The following PGM1 variants were observed in gnomAD, a reference collection of about 807,000 sequenced individuals.
PGM1 encodes phosphoglucomutase-1.
Under a neutral mutation model 55.6 loss-of-function variants are expected in PGM1, and 52 were observed. The ratio of observed to expected loss-of-function variants is 0.94; its 90% CI spans 0.75 to 1.18. The LOEUF is 1.18. Ranked by LOEUF, PGM1 falls within the 50% of genes most tolerant of loss-of-function variation. The pLI, the probability that PGM1 is intolerant of heterozygous loss-of-function variation, is 0.00. For missense variants in PGM1, 724 were observed against 729.3 expected, an observed-to-expected ratio of 0.99 and a Z score of 0.08; for synonymous variants, 287 against 271.7, an observed-to-expected ratio of 1.06 and a Z score of -0.55.
In PGM1 at chr1:63,633,933, T is replaced by TATA. The variant is rs1491392697; in HGVS notation, c.683-896_683-895insATA. 2.4e-3 allele frequency among the ~76,000 whole-genome samples: 106 copies of TATA among 43,624 alleles called. 2 individuals carry two copies. Among genetic ancestry groups the TATA allele is most frequent in the African/African-American group, 3.8e-3 (27 of 7,106 alleles). 28.6% of individuals were successfully genotyped at this position (43,624 alleles called of 152,430 possible). Reference sequence around the variant, plus strand: ...GTGTGTGTGTGTATATATATATATATTTTTTTTTTTTTTTTTTTTTTTTTT... The same window carrying TATA: ...GTGTGTGTGTGTATATATATATATATATATTTTTTTTTTTTTTTTTTTTTTTTT... On this transcript the variant is annotated intron_variant, in intron 4 of 10. Transcript: ENST00000371084.
intron 10 of PGM1, among the ~76,000 whole-genome samples, chr1:63,654,681 A>C (rs1311346729): frequency 6.6e-6 from 1 of 152,100 alleles, no homozygotes; most frequent in Admixed American, 6.6e-5. Context: ...ACCTGAGCCC[A>C]GGAGGTCAAG....
rs150286818 is a variant in PGM1 at position 63,629,431 on chromosome 1, C to T, written c.253C>T (p.Arg85Cys). 143 of 1,612,996 alleles carry T rather than the reference C, an allele frequency of 8.9e-5. 1 individual carries two copies. Among genetic ancestry groups the T allele is most frequent in the Middle Eastern group, 1.6e-4 (1 of 6,072 alleles). The change falls in exon 2 of 11, where the codon CGC becomes TGC. Residue 85 changes from arginine to cysteine, a missense_variant. Physicochemically the swap from Arg to Cys is radical, Grantham distance 180 (BLOSUM62 -3). Around this residue, in one of 3 missense-constraint regions of PGM1, gnomAD observed 379 missense variants for 357.5 expected, o/e 1.06. Coordinates refer to ENST00000371084, the MANE Select transcript of PGM1 (RefSeq NM_002633.3). ...TCTGGATTTCTTCTCCTAGATCGGTCGCTTGGTTATCGGACAGAATGGAAT... is the reference window on the plus strand; with the variant it reads ...TCTGGATTTCTTCTCCTAGATCGGTTGCTTGGTTATCGGACAGAATGGAAT... ...ARIAAANGIG[R>C]LVIGQNGILS... is the part of the protein sequence containing the mutation.
At position 63,640,705 on chromosome 1, in the gene PGM1, C is replaced by T. The variant is rs1011632219; in HGVS notation, c.1144+1905C>T. Among the ~76,000 whole-genome samples the T allele has an allele frequency of 6.6e-5, 10 of 152,342 alleles. No individual in the cohort carries two copies. The East Asian group carries it at 1.9e-3, about 29-fold the overall frequency. On this transcript the variant is annotated intron_variant, in intron 7 of 10. Coordinates refer to ENST00000371084, the MANE Select transcript of PGM1 (RefSeq NM_002633.3). ...TGAAGACAGGATAGCACAAGCTGCT[C>T]CTCTTACACAACAGGCCTTCAAATA...
intron 2 of PGM1, 66 bp downstream of exon 2, chr1:63,629,653 C>G: frequency 6.8e-7 from 1 of 1,480,630 alleles, no homozygotes; most frequent in Non-Finnish European, 9.4e-7. Context: ...ATACCTGGAG[C>G]CTTGGGAGAC....
chr1:63,660,005 GCCATTCTTCAT>G lies in PGM1; in HGVS notation c.*333_*343del, dbSNP rs1650076287. 1 of 422,280 alleles carries G rather than the reference GCCATTCTTCAT, an allele frequency of 2.4e-6. No homozygotes were observed. Among genetic ancestry groups the G allele is most frequent in the Non-Finnish European group, 4.4e-6 (1 of 225,618 alleles). The allele number at this position is 422,280 out of a possible 1,614,324, so 26.2% of individuals were successfully genotyped here. On this transcript the variant is annotated 3_prime_UTR_variant, in exon 11 of 11. Coordinates refer to ENST00000371084, the MANE Select transcript of PGM1 (RefSeq NM_002633.3). ...AGGTGGAGCATCAGCAGTGAGTGAG[GCCATTCTTCAT>G]CCTTAGGATGTGGCAATGAAATGAT... is the stretch of plus-strand genomic sequence containing the variant.
intron 1 of PGM1, among the ~76,000 whole-genome samples, chr1:63,613,030 T>C (rs896041764): frequency 6.6e-6 from 1 of 152,106 alleles, no homozygotes; most frequent in Non-Finnish European, 1.5e-5. Flanking sequence ...CCATTCCAGG[T>C]ACTGAGGTTA....
At chr1:63,603,669 G>A (rs1433793651) in intron 1 of PGM1, among the ~76,000 whole-genome samples, 1 of 152,164 alleles carries the variant, frequency 6.6e-6, no homozygotes, top group Non-Finnish European at 1.5e-5. Flanking sequence ...GAGTTCGAGT[G>A]GAAGATGAAA....
chr1:63,621,675 A>G (rs772072951), intron 1 of PGM1, among the ~76,000 whole-genome samples: 5 of 152,220 alleles, frequency 3.3e-5, no homozygotes, highest in Non-Finnish European at 7.3e-5. Flanking sequence ...GACTTTTAAA[A>G]ACAAATTAAG....
At chr1:63,620,573 A>G (rs1648854333) in intron 1 of PGM1, among the ~76,000 whole-genome samples, 1 of 152,202 alleles carries the variant, frequency 6.6e-6, no homozygotes, top group South Asian at 2.1e-4. Flanking sequence ...ACCATTATTA[A>G]CTGTCCATTA....
rs763399590 is a variant in PGM1 at position 63,593,444 on chromosome 1, G to A, written c.-45G>A. On this transcript the variant is annotated 5_prime_UTR_variant, in exon 1 of 11. Transcript: ENST00000371084. ...TGCAGCCTCAGCCGGCCGCCCCTCC[G>A]CCAGCCAAGTCCGCCGCTCTGACCC... 18 of 1,610,688 alleles carry A rather than the reference G, an allele frequency of 1.1e-5. No individual in the cohort carries two copies. Among genetic ancestry groups the A allele is most frequent in the Middle Eastern group, 1.7e-4 (1 of 6,024 alleles).
At chr1:63,602,170 T>C (rs900626554) in intron 1 of PGM1, among the ~76,000 whole-genome samples, 7 of 152,228 alleles carry the variant, frequency 4.6e-5, no homozygotes, top group Non-Finnish European at 7.3e-5. Flanking sequence ...GGGATTGTTA[T>C]AATATGCTGG....
In PGM1 at chr1:63,642,960, A is replaced by G. The variant is rs564261271; in HGVS notation, c.1144+4160A>G. ...CATGGTGAACAAGGCCTTCTCATAG[A>G]GGGCTCCATGAATTACAGGTGTGCA... On this transcript the variant is annotated intron_variant, in intron 7 of 10. Coordinates refer to ENST00000371084, the MANE Select transcript of PGM1 (RefSeq NM_002633.3). 2.6e-5 allele frequency among the ~76,000 whole-genome samples: 4 copies of G among 152,338 alleles called. No individual in the cohort carries two copies. The South Asian group carries it at 8.3e-4, about 32-fold the overall frequency.
At chr1:63,630,892 T>C (rs1171755727) in intron 3 of PGM1, among the ~76,000 whole-genome samples, 1 of 152,222 alleles carries the variant, frequency 6.6e-6, no homozygotes, top group African/African-American at 2.4e-5. Flanking sequence ...TGCATTTTTT[T>C]GTTTGAACCT....
intron 7 of PGM1, among the ~76,000 whole-genome samples, chr1:63,640,401 G>A (rs1312551933): frequency 1.3e-5 from 2 of 152,100 alleles, no homozygotes; most frequent in Admixed American, 6.6e-5. Flanking sequence ...CTCTGTTTTG[G>A]ATATTCACAA....
chr1:63,626,713 G>C (rs1387238473), intron 1 of PGM1, among the ~76,000 whole-genome samples: 2 of 151,952 alleles, frequency 1.3e-5, no homozygotes, highest in African/African-American at 4.8e-5. Flanking sequence ...TCTTTAAAAA[G>C]TTTTAGTTGT....
Position 63,631,663 on chromosome 1 carries a change from T to C in PGM1, c.563T>C (p.Ile188Thr), listed in dbSNP as rs377648719. 1.2e-6 allele frequency: 2 copies of C among 1,613,248 alleles called. No individual in the cohort carries two copies. Among genetic ancestry groups the C allele is most frequent in the African/African-American group, 2.7e-5 (2 of 74,912 alleles). Residue 188 changes from isoleucine to threonine, a missense_variant, in exon 4 of 11, where the codon ATT (isoleucine) becomes ACT (threonine). Transcript: ENST00000371084. ...ENKFKPFTVE[I>T]VDSVEAYATM... is the part of the protein sequence containing the mutation. ...ATGTTGCTTGTTCTCACAGTGGAAA[T>C]TGTGGATTCGGTAGAAGCTTATGCT...
At chr1:63,616,878 T>C (rs1035188042) in intron 1 of PGM1, among the ~76,000 whole-genome samples, 15 of 152,226 alleles carry the variant, frequency 9.9e-5, no homozygotes, top group African/African-American at 3.6e-4. Flanking sequence ...TCTACTAAAA[T>C]GCACATAGCC....
chr1:63,615,584 A>T, intron 1 of PGM1, among the ~76,000 whole-genome samples: 2 of 65,684 alleles, frequency 3.0e-5, no homozygotes, highest in African/African-American at 1.6e-4. Flanking sequence ...TTTTTTTGAG[A>T]CAGAGCCTTA....
Position 63,638,663 on chromosome 1 carries a change from CTT to C in PGM1, c.1029-20_1029-19del. On this transcript the variant is annotated intron_variant, in intron 6 of 10. Transcript: ENST00000371084. Reference sequence around the variant, plus strand: ...CGCTAACAGTCCTGCTGTGATGTAACTTTGATTTCATGCCTTTGAAGGGTGGC... The same window carrying C: ...CGCTAACAGTCCTGCTGTGATGTAACTGATTTCATGCCTTTGAAGGGTGGC... The C allele has an allele frequency of 3.3e-6, 5 of 1,529,826 alleles. No homozygotes were observed. Among genetic ancestry groups the C allele is most frequent in the Non-Finnish European group, 4.5e-6 (5 of 1,102,914 alleles). 94.8% of individuals were successfully genotyped at this position (1,529,826 alleles called of 1,614,324 possible).
Sources: allele counts gnomAD v4.1 joint callset (sites outside exome capture counted in the v4.1 genomes callset), GRCh38; gene constraint gnomAD v4.1.1; regional missense constraint gnomAD v4.1.1; transcripts MANE v1.5; gene names NCBI Gene and HGNC (gene_info 2026-07-23, HGNC 2026-07-21).